DAB2IP: variants seen among roughly 807,000 people sequenced by gnomAD.
The protein encoded by DAB2IP is disabled homolog 2-interacting protein.
Under a neutral mutation model 107.2 loss-of-function variants are expected in DAB2IP, and 28 were observed. The ratio of observed to expected loss-of-function variants is 0.26; its 90% CI spans 0.19 to 0.36. The LOEUF (loss-of-function observed/expected upper bound fraction) is 0.36, where lower values mean the gene tolerates loss of function less well. Ranked by LOEUF, DAB2IP falls within the 10% of genes least tolerant of loss-of-function variation. The pLI is 1.00. For missense variants in DAB2IP, 1,400 were observed against 1,644.7 expected (o/e 0.85, Z 2.57); for synonymous variants, 755 against 706.4 (o/e 1.07, Z -1.09).
At chr9:121,578,514 G>A (rs186710638) in intron 1 of DAB2IP, among the ~76,000 whole-genome samples, 28 of 151,802 alleles carry the variant, frequency 1.8e-4, no homozygotes, top group Non-Finnish European at 2.2e-4. Flanking sequence ...TCCAAGCCCC[G>A]GGGGATTTTT....
chr9:121,577,429 C>T (rs908958084), intron 1 of DAB2IP, among the ~76,000 whole-genome samples: 3 of 152,236 alleles, frequency 2.0e-5, no homozygotes, highest in Admixed American at 6.5e-5. Flanking sequence ...CACGGGCAGG[C>T]GTGCGTGAGT....
At chr9:121,601,145 T>C (rs1830673723) in intron 1 of DAB2IP, among the ~76,000 whole-genome samples, 1 of 152,240 alleles carries the variant, frequency 6.6e-6, no homozygotes, top group South Asian at 2.1e-4. Flanking sequence ...TCTATCTTGA[T>C]CTTTCCCCCT....
intron 1 of DAB2IP, among the ~76,000 whole-genome samples, chr9:121,621,291 C>A (rs2118994783): frequency 6.6e-6 from 1 of 152,288 alleles, no homozygotes; most frequent in East Asian, 1.9e-4. Flanking sequence ...ATAATCAAGT[C>A]CCTGCTTGAG....
At position 121,736,825 on chromosome 9, in the gene DAB2IP, G is replaced by A. The variant is rs1016422773; in HGVS notation, c.363-20188G>A. Among the ~76,000 whole-genome samples the A allele has an allele frequency of 6.6e-6, 1 of 152,208 alleles. No individual in the cohort carries two copies. The highest frequency in any genetic ancestry group is 1.5e-5 in the Non-Finnish European group (1 of 68,040). The stretch of plus-strand genomic sequence containing the variant: ...GCCAGGCTCTGGTTCGAGGTGTGCT[G>A]GGCTTACCGGGGCGTGCAGGTCCCT... On this transcript the variant is annotated intron_variant, in intron 3 of 15. Coordinates refer to ENST00000408936, the Ensembl canonical transcript of DAB2IP. This position sits in a 1 kb window ranked among gnomAD's most constrained non-coding sequence, Gnocchi z 4.6.
chr9:121,666,216 A>G (rs1833414633), intron 1 of DAB2IP, among the ~76,000 whole-genome samples: 1 of 152,046 alleles, frequency 6.6e-6, no homozygotes, highest in Non-Finnish European at 1.5e-5. Flanking sequence ...TGACCTGCCT[A>G]TCTCCTTCTT....
intron 3 of DAB2IP, among the ~76,000 whole-genome samples, chr9:121,709,586 C>T (rs1275759064): frequency 6.6e-6 from 1 of 152,162 alleles, no homozygotes; most frequent in African/African-American, 2.4e-5. Context: ...GGGTTTCAAA[C>T]CCAGGCGGTT....
At chr9:121,735,410 T>G (rs1231238605) in intron 3 of DAB2IP, among the ~76,000 whole-genome samples, 2 of 152,222 alleles carry the variant, frequency 1.3e-5, no homozygotes, top group Non-Finnish European at 2.9e-5. Context: ...GTATCCTGCC[T>G]GCCTGTACAC....
chr9:121,765,033 A>C (rs954320889), intron 8 of DAB2IP, among the ~76,000 whole-genome samples: 1 of 152,174 alleles, frequency 6.6e-6, no homozygotes, highest in Non-Finnish European at 1.5e-5. Context: ...GTTGGCACCC[A>C]GGGCCTTAGC....
chr9:121,715,450 TC>T (rs1796439640), intron 3 of DAB2IP, among the ~76,000 whole-genome samples: 1 of 151,858 alleles, frequency 6.6e-6, no homozygotes, highest in South Asian at 2.1e-4. Context: ...CCTCCCAGGT[TC>T]ACACCATTCT....
intron 3 of DAB2IP, chr9:121,751,699 T>C: frequency 6.5e-6 from 1 of 153,514 alleles, no homozygotes; most frequent in Non-Finnish European, 1.4e-5. Context: ...ATCTGGGACT[T>C]GATTATCTTA....
At chr9:121,722,932 C>T (rs749927774) in intron 3 of DAB2IP, among the ~76,000 whole-genome samples, 1 of 152,224 alleles carries the variant, frequency 6.6e-6, no homozygotes, top group East Asian at 1.9e-4. Flanking sequence ...CCAAAAGCCA[C>T]GGTGGACTGT....
In DAB2IP at chr9:121,622,189, C is replaced by T. The variant is rs1016783034; in HGVS notation, c.40+54961C>T. On this transcript the variant is annotated intron_variant, in intron 1 of 16. Transcript: ENST00000259371. The stretch of plus-strand genomic sequence containing the variant: ...ATTTTTAGCAGAGATGGAGTTTCAC[C>T]GTGTTGGCCACGATGGTCTCGATTT... Among the ~76,000 whole-genome samples the T allele has an allele frequency of 4.6e-5, 7 of 151,696 alleles. No homozygotes were observed. In the East Asian group the frequency reaches 1.4e-3, roughly 30 times the overall value.
intron 3 of DAB2IP, among the ~76,000 whole-genome samples, chr9:121,740,680 T>C (rs1195664557): frequency 6.6e-6 from 1 of 152,206 alleles, no homozygotes; most frequent in Non-Finnish European, 1.5e-5. Context: ...AGGGTTGGCA[T>C]ACACAGCTGG....
At chr9:121,752,903 G>A (rs1188964796) in intron 3 of DAB2IP, 2 of 152,246 alleles carry the variant, frequency 1.3e-5, no homozygotes, top group Non-Finnish European at 2.9e-5. Flanking sequence ...TTCAGATGAG[G>A]AAATGGACCC....
intron 1 of DAB2IP, among the ~76,000 whole-genome samples, chr9:121,638,148 T>C (rs756176540): frequency 6.6e-6 from 1 of 152,216 alleles, no homozygotes; most frequent in Non-Finnish European, 1.5e-5. Flanking sequence ...CTATGGGTTC[T>C]GCATCTGTGG....
chr9:121,570,217 A>G (rs1829905530), intron 1 of DAB2IP, among the ~76,000 whole-genome samples: 1 of 142,794 alleles, frequency 7.0e-6, no homozygotes. Context: ...GGCTCAATCC[A>G]TCCTCCCACC....
intron 2 of DAB2IP, among the ~76,000 whole-genome samples, chr9:121,694,610 G>A (rs747074143): frequency 5.3e-5 from 8 of 152,028 alleles, no homozygotes; most frequent in Non-Finnish European, 1.2e-4. Context: ...CTACTCCTGG[G>A]GTAGTAGAGC....
intron 1 of DAB2IP, among the ~76,000 whole-genome samples, chr9:121,611,334 G>A (rs1474605885): frequency 6.6e-6 from 1 of 152,054 alleles, no homozygotes; most frequent in Non-Finnish European, 1.5e-5. Context: ...CTGAATCCTG[G>A]GCTTGGAGTA....
At chr9:121,586,006 C>T (rs1269044799) in intron 1 of DAB2IP, among the ~76,000 whole-genome samples, 1 of 152,146 alleles carries the variant, frequency 6.6e-6, no homozygotes, top group Non-Finnish European at 1.5e-5. Context: ...TGTCGCTGGG[C>T]CTCTCCCTGC....
Sources: allele counts gnomAD v4.1 joint callset (sites outside exome capture counted in the v4.1 genomes callset), GRCh38; gene constraint gnomAD v4.1.1; non-coding constraint Gnocchi (gnomAD v3.1); transcripts MANE v1.5; gene names NCBI Gene and HGNC (gene_info 2026-07-23, HGNC 2026-07-21).